Variants in TNFSF4 observed in about 807,000 individuals in gnomAD.
TNFSF4 encodes the protein TNF superfamily member 4, also known as tumor necrosis factor ligand superfamily member 4.
In TNFSF4, 4 loss-of-function variants were observed where a neutral mutation model predicts 7.3. That is an observed-to-expected ratio of 0.55 (90% CI 0.27 to 1.25). The LOEUF (loss-of-function observed/expected upper bound fraction) is 1.25. Ranked by LOEUF, TNFSF4 falls within the 50% of genes most tolerant of loss-of-function variation. The pLI, the probability that TNFSF4 is intolerant of heterozygous loss-of-function variation, is 0.12. For missense variants in TNFSF4, 181 were observed against 208.8 expected (o/e 0.87, Z 0.82); for synonymous variants, 76 against 83.7 (o/e 0.91, Z 0.50).
chr1:173,386,502 C>G, the TNFSF4 span, among the ~76,000 whole-genome samples: 7 of 152,174 alleles, frequency 4.6e-5, no homozygotes, highest in Non-Finnish European at 8.8e-5. Context: ...AGAAAGCCCT[C>G]ATTAAGGCAA....
At chr1:173,379,367 C>T in the TNFSF4 span, among the ~76,000 whole-genome samples, 5 of 152,124 alleles carry the variant, frequency 3.3e-5, no homozygotes, top group Non-Finnish European at 5.9e-5. Context: ...CCTTCTCCCT[C>T]TCTGATTTAA....
the TNFSF4 span, among the ~76,000 whole-genome samples, chr1:173,301,855 A>G: frequency 4.0e-5 from 6 of 149,856 alleles, no homozygotes; most frequent in South Asian, 1.3e-3. Flanking sequence ...AAAGGCGGAA[A>G]TCATGTCTTC....
chr1:173,326,905 G>A, the TNFSF4 span, among the ~76,000 whole-genome samples: 1 of 152,128 alleles, frequency 6.6e-6, no homozygotes, highest in Admixed American at 6.6e-5. Context: ...ATACTCATGG[G>A]TAGGAAGAAT....
chr1:173,370,552 G>A, the TNFSF4 span, among the ~76,000 whole-genome samples: 2 of 152,178 alleles, frequency 1.3e-5, no homozygotes, highest in African/African-American at 4.8e-5. Flanking sequence ...CCCTCAAGTG[G>A]CTATGGGAGG....
chr1:173,279,115 T>C, the TNFSF4 span, among the ~76,000 whole-genome samples: 2 of 152,090 alleles, frequency 1.3e-5, no homozygotes, highest in Admixed American at 6.6e-5. Context: ...TAGTTTCCCC[T>C]AGGACATTGT....
chr1:173,352,845 G>T, the TNFSF4 span, among the ~76,000 whole-genome samples: 10 of 152,208 alleles, frequency 6.6e-5, no homozygotes, highest in South Asian at 8.3e-4. Context: ...TGCATAAGGC[G>T]GACACCCCTA....
At chr1:173,257,918 C>T in the TNFSF4 span, among the ~76,000 whole-genome samples, 3 of 152,200 alleles carry the variant, frequency 2.0e-5, no homozygotes, top group African/African-American at 4.8e-5. Context: ...GGCTCAAAGC[C>T]TCAACTTTCT....
chr1:173,290,832 A>G, the TNFSF4 span, among the ~76,000 whole-genome samples: 1 of 152,198 alleles, frequency 6.6e-6, no homozygotes. Flanking sequence ...ATGCCTGGCC[A>G]CAAAGCAAGT....
the TNFSF4 span, chr1:173,363,568 T>C: frequency 6.0e-6 from 3 of 503,566 alleles, no homozygotes; most frequent in Non-Finnish European, 1.2e-5. Context: ...GCTTTCTGGA[T>C]AGGCAAGTGT....
At chr1:173,367,279 G>C in the TNFSF4 span, among the ~76,000 whole-genome samples, 1 of 152,118 alleles carries the variant, frequency 6.6e-6, no homozygotes, top group African/African-American at 2.4e-5. Context: ...ATCAACATTT[G>C]TATATTTTAC....
At chr1:173,248,390 AGAAG>A in the TNFSF4 span, among the ~76,000 whole-genome samples, 41 of 149,054 alleles carry the variant, frequency 2.8e-4, no homozygotes, top group East Asian at 1.2e-3. Context: ...AAGGAAAGAA[AGAAG>A]GAAGGAAGGA....
the TNFSF4 span, among the ~76,000 whole-genome samples, chr1:173,214,898 A>T: frequency 1.3e-5 from 2 of 152,166 alleles, no homozygotes; most frequent in Non-Finnish European, 2.9e-5. Flanking sequence ...CAGCATTGGG[A>T]GTTAAACCAA....
intron 1 of TNFSF4, among the ~76,000 whole-genome samples, chr1:173,192,589 G>T (rs1419363853): frequency 6.6e-6 from 1 of 152,106 alleles, no homozygotes; most frequent in Non-Finnish European, 1.5e-5. Flanking sequence ...AGAGCACAGG[G>T]TGTTTTTAGG....
chr1:173,404,390 G>C, the TNFSF4 span, among the ~76,000 whole-genome samples: 461 of 152,276 alleles, frequency 3.0e-3, 1 homozygote, highest in African/African-American at 0.01. Context: ...ACTGCAGAGA[G>C]GGAAGTAGCA....
At chr1:173,449,565 GCTAGT>G in the TNFSF4 span, among the ~76,000 whole-genome samples, 1 of 151,906 alleles carries the variant, frequency 6.6e-6, no homozygotes, top group Non-Finnish European at 1.5e-5. Flanking sequence ...TGTTGCTGAG[GCTAGT>G]CTCAAGCATC....
chr1:173,419,626 G>A, the TNFSF4 span, among the ~76,000 whole-genome samples: 1 of 152,116 alleles, frequency 6.6e-6, no homozygotes, highest in South Asian at 2.1e-4. Context: ...GAGAGAGGAG[G>A]GTGGAAGCTG....
At chr1:173,305,192 GC>G in the TNFSF4 span, among the ~76,000 whole-genome samples, 1 of 151,550 alleles carries the variant, frequency 6.6e-6, no homozygotes, top group South Asian at 2.1e-4. Context: ...TGCCAAAAGG[GC>G]ATGAGATCTA....
At chr1:173,295,198 A>G in the TNFSF4 span, among the ~76,000 whole-genome samples, 1 of 151,980 alleles carries the variant, frequency 6.6e-6, no homozygotes, top group Non-Finnish European at 1.5e-5. Context: ...ATAAAGTTAA[A>G]CATACATTCA....
At chr1:173,348,788 T>G in the TNFSF4 span, among the ~76,000 whole-genome samples, 5 of 152,030 alleles carry the variant, frequency 3.3e-5, no homozygotes, top group African/African-American at 1.2e-4. Context: ...TATAAAAAAT[T>G]TGGATGAAAT....
Sources: allele counts gnomAD v4.1 joint callset (sites outside exome capture counted in the v4.1 genomes callset), GRCh38; gene constraint gnomAD v4.1.1; transcripts MANE v1.5; gene names NCBI Gene and HGNC (gene_info 2026-07-23, HGNC 2026-07-21).